The following PIN1 variants were observed in gnomAD, a reference collection of about 807,000 sequenced individuals.
PIN1 encodes the protein peptidylprolyl cis/trans isomerase, NIMA-interacting 1, also known as peptidyl-prolyl cis-trans isomerase NIMA-interacting 1.
In PIN1, 8 loss-of-function variants were observed where a neutral mutation model predicts 19.9. That is an observed-to-expected ratio of 0.40 (90% confidence interval 0.24 to 0.72). The LOEUF is 0.72. Ranked by LOEUF, PIN1 falls within the 30% of genes least tolerant of loss-of-function variation. PIN1 has a pLI of 0.37. For synonymous variants in PIN1, 86 were observed against 90.8 expected (o/e 0.95, Z 0.30); for missense variants, 185 against 226.5 (o/e 0.82, Z 1.18).
At chr19:9,849,032 T>C in intron 3 of PIN1, 58 bp from the exon 4 acceptor site, 1 of 1,140,658 alleles carries the variant, frequency 8.8e-7, no homozygotes, top group Non-Finnish European at 1.3e-6. Context: ...CCGCCCTGCC[T>C]CATCCTGGCC....
At chr19:9,848,735 C>G in intron 3 of PIN1, 1 of 317,646 alleles carries the variant, frequency 3.1e-6, no homozygotes, top group Non-Finnish European at 5.9e-6. Context: ...GGGCCAGCAG[C>G]TGCCCACCTC....
At chr19:9,840,197 G>A (rs545673637) in intron 2 of PIN1, among the ~76,000 whole-genome samples, 9 of 152,084 alleles carry the variant, frequency 5.9e-5, no homozygotes, top group Non-Finnish European at 1.3e-4. Flanking sequence ...GACCATCCTG[G>A]CTAACACGGT....
At chr19:9,843,073 T>A (rs1003500221) in intron 2 of PIN1, among the ~76,000 whole-genome samples, 1 of 152,210 alleles carries the variant, frequency 6.6e-6, no homozygotes, top group Non-Finnish European at 1.5e-5. Flanking sequence ...AGTGTCCTTG[T>A]CTAAGGAGGA....
At chr19:9,849,036 C>G in intron 3 of PIN1, 54 bp from the exon 4 acceptor site, 1 of 1,203,476 alleles carries the variant, frequency 8.3e-7, no homozygotes, top group South Asian at 1.2e-5. Flanking sequence ...CCTGCCTCAT[C>G]CTGGCCTCTG....
chr19:9,848,070 G>T lies in PIN1; in HGVS notation c.312G>T (p.Glu104Asp), dbSNP rs1383671744. 1 of 1,613,582 alleles carries T rather than the reference G, an allele frequency of 6.2e-7. No homozygotes were observed. The highest frequency in any genetic ancestry group is 1.1e-5 in the South Asian group (1 of 91,074). Residue 104 changes from glutamate to aspartate, a missense_variant, in exon 3 of 4, where the codon GAG (glutamate) becomes GAT (aspartate). Glu to Asp is a conservative substitution (Grantham distance 45). Transcript: ENST00000247970. ...QKIKSGEEDF[E>D]SLASQFSDCS... ...TCAAGTCGGGAGAGGAGGACTTTGA[G>T]TCTCTGGCCTCACAGTTCAGCGACT...
chr19:9,835,657 G>A, intron 1 of PIN1: 2 of 467,958 alleles, frequency 4.3e-6, no homozygotes, highest in Non-Finnish European at 7.4e-6. Context: ...GATGGCCCTG[G>A]CCCTGCCGGC....
intron 1 of PIN1, chr19:9,837,100 A>C: frequency 2.9e-6 from 1 of 342,790 alleles, no homozygotes; most frequent in South Asian, 2.3e-5. Context: ...AGTAGCTGAG[A>C]CCACAGGCGT....
chr19:9,843,968 G>T (rs11085384), intron 2 of PIN1, among the ~76,000 whole-genome samples: 148,051 of 152,076 alleles, frequency 0.97, 72,339 homozygotes, highest in Middle Eastern at 1. Context: ...GAGGATCGCT[G>T]GAACCTGGGA....
Position 9,848,098 on chromosome 19 carries a change from A to G in PIN1, c.340A>G (p.Ser114Gly). 6.2e-7 allele frequency: 1 copy of G among 1,613,534 alleles called. No homozygotes were observed. Among genetic ancestry groups the G allele is most frequent in the Non-Finnish European group, 8.5e-7 (1 of 1,179,506 alleles). Residue 114 changes from serine to glycine, a missense_variant, in exon 3 of 4, where the codon AGC (serine) becomes GGC (glycine). Transcript: ENST00000247970. ...TCTGGCCTCACAGTTCAGCGACTGC[A>G]GCTCAGCCAAGGCCAGGGGAGACCT... is the stretch of plus-strand genomic sequence containing the variant. ...ESLASQFSDC[S>G]SAKARGDLGA...
chr19:9,845,137 G>A (rs999695385), intron 2 of PIN1, among the ~76,000 whole-genome samples: 3 of 152,172 alleles, frequency 2.0e-5, no homozygotes, highest in East Asian at 1.9e-4. Context: ...GGTGGGAGTC[G>A]GAGGATGTCA....
rs950047501 is a variant in PIN1, at chr19:9,846,540, T to C, written c.272-1490T>C. Among the ~76,000 whole-genome samples, 1 of 152,106 alleles carries C rather than the reference T, an allele frequency of 6.6e-6. No individual in the cohort carries two copies. Among genetic ancestry groups the C allele is most frequent in the Non-Finnish European group, 1.5e-5 (1 of 68,006 alleles). On this transcript the variant is annotated intron_variant, in intron 2 of 3. Transcript: ENST00000247970. The surrounding 1 kb of genome is among the most constrained non-coding windows in gnomAD (Gnocchi z 5.9). The stretch of plus-strand genomic sequence containing the variant: ...TGACGTGCAGCCAAACAGGGAGCTA[T>C]GGCTGTGCTCTCACGGTGGTACCAT...
intron 2 of PIN1, among the ~76,000 whole-genome samples, chr19:9,843,670 C>G (rs2046191107): frequency 6.6e-6 from 1 of 152,220 alleles, no homozygotes; most frequent in Non-Finnish European, 1.5e-5. Context: ...AGACGGCTGC[C>G]CTCTCACTGT....
intron 1 of PIN1, 128 bp downstream of exon 1, chr19:9,835,530 C>G (rs1448036586): frequency 1.1e-5 from 7 of 659,748 alleles, no homozygotes; most frequent in African/African-American, 1.9e-5. Flanking sequence ...GCGTCGTCCC[C>G]GGGGTAACGG....
At chr19:9,848,365 C>T in intron 3 of PIN1, 1 of 563,208 alleles carries the variant, frequency 1.8e-6, no homozygotes, top group Non-Finnish European at 3.2e-6. Context: ...TCATCTCTAC[C>T]CTGGGGGGCA....
Position 9,849,169 on chromosome 19 carries a change from C to T in PIN1, c.462C>T (p.Ser154=), listed in dbSNP as rs748115989. ...TGAGCGGGCCCGTGTTCACGGATTC[C>T]GGCATCCACATCATCCTCCGCACTG... is the stretch of plus-strand genomic sequence containing the variant. ...GEMSGPVFTD[S]GIHIILRTE The change falls in exon 4 of 4, where the codon TCC becomes TCT. Residue 154 remains serine, a synonymous_variant. Transcript: ENST00000247970. The T allele has an allele frequency of 1.6e-5, 25 of 1,612,716 alleles. No individual in the cohort carries two copies. The highest frequency in any genetic ancestry group is 2.0e-5 in the Non-Finnish European group (23 of 1,179,396).
chr19:9,848,281 G>T (rs2046242129), intron 3 of PIN1, 141 bp downstream of exon 3: 6 of 643,580 alleles, frequency 9.3e-6, no homozygotes, highest in Non-Finnish European at 1.7e-5. Context: ...CCCTTCCTCA[G>T]GCTTCAGAGG....
chr19:9,849,252 C>G lies in PIN1; in HGVS notation c.*53C>G. 8.0e-7 allele frequency: 1 copy of G among 1,248,144 alleles called. No individual in the cohort carries two copies. 77.3% of individuals were successfully genotyped at this position (1,248,144 alleles called of 1,614,324 possible). ...GGCAGGGCAGGGCGGCTAGGCCGGC[C>G]AGCTCCCCCTTGCCCGCCAGCCAGT... On this transcript the variant is annotated 3_prime_UTR_variant, in exon 4 of 4. Coordinates refer to ENST00000247970, the MANE Select transcript of PIN1 (RefSeq NM_006221.4).
At chr19:9,842,636 C>T (rs763546981) in intron 2 of PIN1, among the ~76,000 whole-genome samples, 20 of 152,228 alleles carry the variant, frequency 1.3e-4, no homozygotes, top group Non-Finnish European at 1.9e-4. Context: ...ACCTCCCTCT[C>T]CTGGTATCCT....
At chr19:9,844,411 TGATGG>T in intron 2 of PIN1, among the ~76,000 whole-genome samples, 1 of 152,306 alleles carries the variant, frequency 6.6e-6, no homozygotes, top group East Asian at 1.9e-4. Context: ...GATCTGGACC[TGATGG>T]AGTCTGGAGT....
Sources: gnomAD v4.1 joint callset for allele counts (sites outside exome capture counted in the v4.1 genomes callset) on GRCh38, gnomAD v4.1.1 for gene constraint, Gnocchi (gnomAD v3.1) non-coding constraint, MANE v1.5 for transcripts, NCBI Gene and HGNC (gene_info 2026-07-23, HGNC 2026-07-21) for gene names.